Variants in SYCE2 observed in about 807,000 individuals in gnomAD.
SYCE2 encodes central element synaptonemal complex 1.
SYCE2 carries 3 observed loss-of-function variants against 27.9 expected under a neutral mutation model. That is an observed-to-expected ratio of 0.11 (90% CI 0.05 to 0.28). SYCE2 has a LOEUF of 0.28. Ranked by LOEUF, SYCE2 falls within the 10% of genes least tolerant of loss-of-function variation. The probability of loss-of-function intolerance (pLI) is 1.00; values close to 1 mark genes in which losing one functional copy is unlikely to be tolerated. For synonymous variants in SYCE2, 85 were observed against 100.7 expected (o/e 0.84, Z 0.93); for missense variants, 207 against 263.5 (o/e 0.79, Z 1.48).
chr19:12,908,094 T>C (rs959999224), intron 2 of SYCE2, among the ~76,000 whole-genome samples: 3 of 151,778 alleles, frequency 2.0e-5, no homozygotes, highest in African/African-American at 7.3e-5. Flanking sequence ...CTAGATGATA[T>C]CACGCCACTG....
At chr19:12,912,961 T>C (rs1971073907) in intron 2 of SYCE2, among the ~76,000 whole-genome samples, 1 of 152,326 alleles carries the variant, frequency 6.6e-6, no homozygotes, top group South Asian at 2.1e-4. Context: ...TAATGAATCA[T>C]AGGCTTCCCT....
In SYCE2 at chr19:12,899,114, G is replaced by C. The variant is rs1970769204; in HGVS notation, c.*227C>G. 1 of 584,082 alleles carries C rather than the reference G, an allele frequency of 1.7e-6. No individual in the cohort carries two copies. The highest frequency in any genetic ancestry group is 3.1e-6 in the Non-Finnish European group (1 of 327,848). 36.2% of individuals were successfully genotyped at this position (584,082 alleles called of 1,614,324 possible). A position where few individuals can be genotyped will look rare whatever the true frequency, so the allele number is the denominator to read the frequency against. On this transcript the variant is annotated 3_prime_UTR_variant, in exon 6 of 6. Transcript: ENST00000293695. Reference sequence around the variant, plus strand: ...AAACATTTAATAAACTGTGGGGCTGGGGGTGGGGAGAACTTGCCAAGGGTG... The same window carrying C: ...AAACATTTAATAAACTGTGGGGCTGCGGGTGGGGAGAACTTGCCAAGGGTG...
chr19:12,908,874 G>T (rs1367202628), intron 2 of SYCE2, among the ~76,000 whole-genome samples: 1 of 152,136 alleles, frequency 6.6e-6, no homozygotes, highest in African/African-American at 2.4e-5. Context: ...GCCAGACACC[G>T]TCAATCACAC....
intron 3 of SYCE2, 68 bp downstream of exon 3, chr19:12,904,424 C>T (rs1970896411): frequency 1.9e-6 from 3 of 1,588,674 alleles, no homozygotes; most frequent in Non-Finnish European, 2.6e-6. Flanking sequence ...ACAACAGACA[C>T]CATCAGTGGT....
chr19:12,905,993 G>A lies in SYCE2; in HGVS notation c.132-1327C>T, dbSNP rs570420196. 2.6e-5 allele frequency: 4 copies of A among 152,118 alleles called. No individual in the cohort carries two copies. The East Asian group carries it at 7.7e-4, about 29-fold the overall frequency. The allele number at this position is 152,118 out of a possible 1,614,324, so 9.4% of individuals were successfully genotyped here. Reference sequence around the variant, plus strand: ...TCTGCCTCAGCCTCCCGAGTAGCTGGAATTACAGGTGCACACCACTACACC... The same window carrying A: ...TCTGCCTCAGCCTCCCGAGTAGCTGAAATTACAGGTGCACACCACTACACC... On this transcript the variant is annotated intron_variant, in intron 2 of 5. Coordinates refer to ENST00000293695, the MANE Select transcript of SYCE2 (RefSeq NM_001105578.2).
At chr19:12,903,024 C>T (rs1173375503) in intron 3 of SYCE2, among the ~76,000 whole-genome samples, 2 of 133,564 alleles carry the variant, frequency 1.5e-5, no homozygotes, top group East Asian at 2.1e-4. Flanking sequence ...GGCAACAGAG[C>T]GAGACTCTGT....
intron 2 of SYCE2, among the ~76,000 whole-genome samples, chr19:12,905,832 G>C (rs985428057): frequency 2.0e-5 from 3 of 152,078 alleles, no homozygotes. Context: ...TAGAGACTGG[G>C]CTTCACTATG....
At chr19:12,917,367 T>C (rs1971155849) in intron 2 of SYCE2, among the ~76,000 whole-genome samples, 1 of 152,022 alleles carries the variant, frequency 6.6e-6, no homozygotes. Flanking sequence ...TAAATTTTTC[T>C]TTTTTCTTTT....
intron 2 of SYCE2, among the ~76,000 whole-genome samples, chr19:12,904,947 T>A (rs1970905310): frequency 6.6e-6 from 1 of 150,658 alleles, no homozygotes; most frequent in African/African-American, 2.4e-5. Context: ...GAAGTTGCAG[T>A]GAGCCGAGAT....
intron 2 of SYCE2, among the ~76,000 whole-genome samples, chr19:12,905,911 T>C (rs1263756016): frequency 6.7e-6 from 1 of 150,098 alleles, no homozygotes; most frequent in Non-Finnish European, 1.5e-5. Context: ...CCACTGCGCC[T>C]GACTGATGCA....
intron 2 of SYCE2, among the ~76,000 whole-genome samples, chr19:12,910,487 C>T (rs1971024895): frequency 1.3e-5 from 2 of 151,836 alleles, no homozygotes; most frequent in Non-Finnish European, 2.9e-5. Context: ...ATTCTCGTGC[C>T]CCAGCCTCCT....
In SYCE2 at chr19:12,899,005, G is replaced by C. The variant is rs1970766345; in HGVS notation, c.*336C>G. The C allele has an allele frequency of 2.7e-6, 1 of 373,352 alleles. No individual in the cohort carries two copies. The highest frequency in any genetic ancestry group is 5.1e-6 in the Non-Finnish European group (1 of 197,010). 23.1% of individuals were successfully genotyped at this position (373,352 alleles called of 1,614,324 possible). A position where few individuals can be genotyped will look rare whatever the true frequency, so the allele number is the denominator to read the frequency against. On this transcript the variant is annotated 3_prime_UTR_variant, in exon 6 of 6. Coordinates refer to ENST00000293695, the MANE Select transcript of SYCE2 (RefSeq NM_001105578.2). ...GCTGTCCCTCCTATCCCTCCCGAGG[G>C]TAAGAAAGGGCTTGCTGTGTTTCCT...
At chr19:12,919,123 C>T in intron 1 of SYCE2, 120 bp downstream of exon 1, 3 of 1,322,774 alleles carry the variant, frequency 2.3e-6, no homozygotes, top group Non-Finnish European at 1.1e-6. Flanking sequence ...TGAGAGGGAG[C>T]CCCAATGGCA....
At chr19:12,910,143 G>A (rs1971016038) in intron 2 of SYCE2, among the ~76,000 whole-genome samples, 1 of 152,130 alleles carries the variant, frequency 6.6e-6, no homozygotes, top group Non-Finnish European at 1.5e-5. Flanking sequence ...GGGATTACAG[G>A]CGTGAGCCAC....
rs368748837 is a variant in SYCE2 at position 12,916,379 on chromosome 19, C to T, written c.131+1843G>A. ...CACTGCGCCCGGCCAACATGAGCCT[C>T]CTTCTTGCTCTTTTGAGAACACATC... On this transcript the variant is annotated intron_variant, in intron 2 of 5. Transcript: ENST00000293695. Among the ~76,000 whole-genome samples, 239 of 152,034 alleles carry T rather than the reference C, an allele frequency of 1.6e-3. 5 individuals are homozygous for T. The highest frequency in any genetic ancestry group is 5.6e-3 in the African/African-American group (233 of 41,474).
Position 12,898,836 on chromosome 19 carries a change from A to C in SYCE2, c.*505T>G, listed in dbSNP as rs73505329. On this transcript the variant is annotated 3_prime_UTR_variant, in exon 6 of 6. Transcript: ENST00000293695. ...GAAGTAAACAGAATTGGCTCTAAAA[A>C]GGAGGCTACAATCTGCCTTCTGCTT... 1 of 174,614 alleles carries C rather than the reference A, an allele frequency of 5.7e-6. No individual in the cohort carries two copies. Among genetic ancestry groups the C allele is most frequent in the African/African-American group, 2.4e-5 (1 of 41,810 alleles). 10.8% of individuals were successfully genotyped at this position (174,614 alleles called of 1,614,324 possible).
At chr19:12,903,335 C>G (rs2145965823) in intron 3 of SYCE2, among the ~76,000 whole-genome samples, 1 of 151,666 alleles carries the variant, frequency 6.6e-6, no homozygotes, top group African/African-American at 2.4e-5. Context: ...TCGTGATCTG[C>G]CCGCCTCGGC....
chr19:12,903,338 G>A (rs1456713282), intron 3 of SYCE2, among the ~76,000 whole-genome samples: 17 of 150,844 alleles, frequency 1.1e-4, no homozygotes, highest in Non-Finnish European at 2.2e-4. Context: ...TGATCTGCCC[G>A]CCTCGGCCTC....
Position 12,904,537 on chromosome 19 carries a change from C to T in SYCE2, c.261G>A (p.Lys87=). The change falls in exon 3 of 6, where the codon AAG becomes AAA. Residue 87 remains lysine (K), a synonymous_variant. Coordinates refer to ENST00000293695, the MANE Select transcript of SYCE2 (RefSeq NM_001105578.2). ...TGAAGTTGGTCATGAGTGCATGGTC[C>T]TTTTGCCGGCTCTTGTTGATGTTTT... The part of the protein sequence containing the change: ...LIENINKSRQ[K]DHALMTNFRN... The T allele has an allele frequency of 6.2e-7, 1 of 1,614,074 alleles. No individual in the cohort carries two copies. The highest frequency in any genetic ancestry group is 8.5e-7 in the Non-Finnish European group (1 of 1,180,024).
Sources: gnomAD v4.1 joint callset for allele counts (sites outside exome capture counted in the v4.1 genomes callset) on GRCh38, gnomAD v4.1.1 for gene constraint, MANE v1.5 for transcripts, NCBI Gene and HGNC (gene_info 2026-07-23, HGNC 2026-07-21) for gene names.